The following TMEM168 variants were observed in gnomAD, a reference collection of about 807,000 sequenced individuals.
TMEM168 encodes the protein transmembrane protein 168.
Under a neutral mutation model 53.2 loss-of-function variants are expected in TMEM168, and 40 were observed. The observed-to-expected ratio is 0.75, with a 90% CI of 0.58 to 0.98. The LOEUF is 0.98. TMEM168 is among the 50% of genes least tolerant of loss of function. The pLI is 0.00. For missense variants in TMEM168, 771 were observed against 828.8 expected, an observed-to-expected ratio of 0.93 and a Z score of 0.86; for synonymous variants, 282 against 293.0, an observed-to-expected ratio of 0.96 and a Z score of 0.38.
rs148501528 is a variant in TMEM168 at position 112,774,411 on chromosome 7, T to C, written c.1271+765A>G. Among the ~76,000 whole-genome samples the C allele has an allele frequency of 5.4e-3, 792 of 146,228 alleles. 7 individuals carry two copies. The highest frequency in any genetic ancestry group is 0.019 in the African/African-American group (764 of 39,738). On this transcript the variant is annotated intron_variant, in intron 3 of 4. Transcript: ENST00000312814. ...AGTGCTTCATACCATTCCTGTCAGA[T>C]GAACAGAAGAGTTATCACTATATAC... is the stretch of plus-strand genomic sequence containing the variant.
At chr7:112,772,291 T>C (rs556819632) in intron 4 of TMEM168, among the ~76,000 whole-genome samples, 1 of 152,174 alleles carries the variant, frequency 6.6e-6, no homozygotes, top group African/African-American at 2.4e-5. Context: ...GTTAACTAAC[T>C]TGCCTAAAAT....
chr7:112,783,808 G>T lies in TMEM168; in HGVS notation c.1018C>A (p.Leu340Ile). ...YFTHRTDYNSLDRIMASKGMR... is the reference protein window; with the variant it reads ...YFTHRTDYNSIDRIMASKGMR... Reference sequence around the variant, plus strand: ...CCTTTGGATGCCATGATTCTATCAAGGCTATTGTAATCTGTCCTGTGAGTA... The same window carrying T: ...CCTTTGGATGCCATGATTCTATCAATGCTATTGTAATCTGTCCTGTGAGTA... The change falls in exon 2 of 5, where the codon CTT becomes ATT. Residue 340 changes from leucine (L) to isoleucine (I), a missense_variant. Leu to Ile is a conservative substitution (Grantham distance 5). Transcript: ENST00000312814. 1 of 1,605,624 alleles carries T rather than the reference G, an allele frequency of 6.2e-7. No homozygotes were observed.
intron 4 of TMEM168, among the ~76,000 whole-genome samples, chr7:112,772,282 T>G (rs953359171): frequency 1.2e-4 from 18 of 152,260 alleles, no homozygotes; most frequent in African/African-American, 4.3e-4. Flanking sequence ...CCAACAGAAG[T>G]TAACTAACTT....
At chr7:112,770,124 T>C (rs1227174) in intron 4 of TMEM168, among the ~76,000 whole-genome samples, 62,729 of 152,116 alleles carry the variant, frequency 0.41, 16,357 homozygotes, top group African/African-American at 0.74. Flanking sequence ...TAGATGAAAG[T>C]ATTTTCCTCA....
Position 112,784,507 on chromosome 7 carries a change from A to G in TMEM168, c.319T>C (p.Cys107Arg). ...LWFGFLLGLL[C>R]FLDNSSFKND... is the part of the protein sequence containing the mutation. ...TTAAAGGATGAATTATCAAGAAAAC[A>G]TAGGAGGCCAAGCAAGAATCCAAAC... is the stretch of plus-strand genomic sequence containing the variant. The change falls in exon 2 of 5, where the codon TGT (cysteine) becomes CGT (arginine). Residue 107 changes from cysteine (C) to arginine (R), a missense_variant. Coordinates refer to ENST00000312814, the MANE Select transcript of TMEM168 (RefSeq NM_022484.6). 1 of 1,614,146 alleles carries G rather than the reference A, an allele frequency of 6.2e-7. No homozygotes were observed. Among genetic ancestry groups the G allele is most frequent in the Non-Finnish European group, 8.5e-7 (1 of 1,180,008 alleles).
Position 112,783,863 on chromosome 7 carries a change from G to C in TMEM168, c.963C>G (p.Thr321=). ...ATACTTTATGGCAGTCATTTAATTT[G>C]GTATGGAATCCCCAAAGAGTTAAAA... ...IFLLTLWGFH[T]KLNDCHKVYF... The change falls in exon 2 of 5, where the codon ACC becomes ACG. Residue 321 remains threonine (T), a synonymous_variant. Coordinates refer to ENST00000312814, the MANE Select transcript of TMEM168 (RefSeq NM_022484.6). 6.2e-7 allele frequency: 1 copy of C among 1,603,550 alleles called. No individual in the cohort carries two copies. Among genetic ancestry groups the C allele is most frequent in the Non-Finnish European group, 8.5e-7 (1 of 1,176,904 alleles).
rs1378256529 is a variant in TMEM168, at chr7:112,783,787, T to C, written c.1039A>G (p.Lys347Glu). The C allele has an allele frequency of 1.3e-6, 2 of 1,595,110 alleles. No homozygotes were observed. The highest frequency in any genetic ancestry group is 1.7e-6 in the Non-Finnish European group (2 of 1,171,914). The change falls in exon 2 of 5, where the codon AAA becomes GAA. Residue 347 changes from lysine to glutamate, a missense_variant. Transcript: ENST00000312814. ...YNSLDRIMAS[K>E]GMRHFCLISE... ...ATCAAGCAAAAATGGCGCATCCCTT[T>C]GGATGCCATGATTCTATCAAGGCTA...
Position 112,767,060 on chromosome 7 carries a change from TAAGAA to T in TMEM168, c.*132_*136del. ...ACGCCTTATATATACCATAATTACT[TAAGAA>T]AAGACAAAGTGAGAGCAGCTACAGA... On this transcript the variant is annotated 3_prime_UTR_variant, in exon 5 of 5. Coordinates refer to ENST00000312814, the MANE Select transcript of TMEM168 (RefSeq NM_022484.6). 2.3e-6 allele frequency: 2 copies of T among 885,678 alleles called. No homozygotes were observed. Among genetic ancestry groups the T allele is most frequent in the South Asian group, 1.8e-5 (1 of 54,060 alleles). The allele number at this position is 885,678 out of a possible 1,614,324, so 54.9% of individuals were successfully genotyped here.
In TMEM168 at chr7:112,772,658, AG is replaced by A. The variant is rs1294772555; in HGVS notation, c.1546+122del. ...ATGCTAGAGCAAAGAAAAACAAATTAGAGTCATATGCATAGTTCAGTAAACT... is the reference window on the plus strand; with the variant it reads ...ATGCTAGAGCAAAGAAAAACAAATTAAGTCATATGCATAGTTCAGTAAACT... On this transcript the variant is annotated intron_variant, in intron 4 of 4. Transcript: ENST00000312814. The A allele has an allele frequency of 3.6e-6, 4 of 1,109,284 alleles. No individual in the cohort carries two copies. In the Admixed American group the frequency reaches 1.0e-4, roughly 28 times the overall value. The allele number at this position is 1,109,284 out of a possible 1,614,324, so 68.7% of individuals were successfully genotyped here.
Position 112,764,374 on chromosome 7 carries a change from T to C in TMEM168, c.*2823A>G, listed in dbSNP as rs1027157596. ...TCCTTTCACTCCAAGCAACTCTTTC[T>C]TAAACATGACAGCCATAGACAAATT... is the stretch of plus-strand genomic sequence containing the variant. On this transcript the variant is annotated 3_prime_UTR_variant, in exon 5 of 5. Coordinates refer to ENST00000312814, the MANE Select transcript of TMEM168 (RefSeq NM_022484.6). The C allele has an allele frequency of 2.0e-5, 3 of 152,140 alleles. No individual in the cohort carries two copies. Among genetic ancestry groups the C allele is most frequent in the African/African-American group, 7.2e-5 (3 of 41,458 alleles). 9.4% of individuals were successfully genotyped at this position (152,140 alleles called of 1,614,324 possible).
rs1024088743 is a variant in TMEM168, at chr7:112,764,232, G to A, written c.*2965C>T. The A allele has an allele frequency of 6.6e-6, 1 of 151,660 alleles. No individual in the cohort carries two copies. The highest frequency in any genetic ancestry group is 2.4e-5 in the African/African-American group (1 of 41,336). 9.4% of individuals were successfully genotyped at this position (151,660 alleles called of 1,614,324 possible). A position where few individuals can be genotyped will look rare whatever the true frequency, so the allele number is the denominator to read the frequency against. On this transcript the variant is annotated 3_prime_UTR_variant, in exon 5 of 5. Coordinates refer to ENST00000312814, the MANE Select transcript of TMEM168 (RefSeq NM_022484.6). ...AAAGATGATGTTTTTAGAGCTAGTGGTTTTGTGGTTTTAGCAAGGTATCAC... is the reference window on the plus strand; with the variant it reads ...AAAGATGATGTTTTTAGAGCTAGTGATTTTGTGGTTTTAGCAAGGTATCAC...
chr7:112,775,953 C>G (rs560597771), intron 2 of TMEM168, among the ~76,000 whole-genome samples: 6 of 151,436 alleles, frequency 4.0e-5, no homozygotes, highest in African/African-American at 1.5e-4. Context: ...AGTAGACAGG[C>G]AGAAGAAATA....
At position 112,763,255 on chromosome 7, in the gene TMEM168, T is replaced by C. The variant is rs999443124; in HGVS notation, c.*3942A>G. The C allele has an allele frequency of 2.0e-5, 3 of 152,142 alleles. No individual in the cohort carries two copies. The highest frequency in any genetic ancestry group is 4.4e-5 in the Non-Finnish European group (3 of 67,986). The allele number at this position is 152,142 out of a possible 1,614,324, so 9.4% of individuals were successfully genotyped here. A position where few individuals can be genotyped will look rare whatever the true frequency, so the allele number is the denominator to read the frequency against. ...TACAAATTTGAGATTTGCTTTCTTT[T>C]TATGGATTCTGTAAGTTTTTTACTA... is the stretch of plus-strand genomic sequence containing the variant. On this transcript the variant is annotated 3_prime_UTR_variant, in exon 5 of 5. Transcript: ENST00000312814.
At chr7:112,768,385 T>C (rs1437285498) in intron 4 of TMEM168, among the ~76,000 whole-genome samples, 2 of 152,126 alleles carry the variant, frequency 1.3e-5, no homozygotes, top group Non-Finnish European at 2.9e-5. Context: ...ACAGAAAAAG[T>C]TTGCCTCCCC....
chr7:112,768,617 A>G (rs1248714867), intron 4 of TMEM168, among the ~76,000 whole-genome samples: 1 of 152,102 alleles, frequency 6.6e-6, no homozygotes, highest in Non-Finnish European at 1.5e-5. Context: ...TTTTTGCATT[A>G]ATTTTGATTT....
At chr7:112,777,587 C>T (rs1620709) in intron 2 of TMEM168, among the ~76,000 whole-genome samples, 4,822 of 152,268 alleles carry the variant, frequency 0.032, 245 homozygotes, top group African/African-American at 0.11. Flanking sequence ...ACTGCTCTTT[C>T]ATGCTGCTGC....
chr7:112,771,848 C>G (rs2116236942), intron 4 of TMEM168, among the ~76,000 whole-genome samples: 1 of 150,978 alleles, frequency 6.6e-6, no homozygotes, highest in Non-Finnish European at 1.5e-5. Context: ...AACATCTACA[C>G]TTTTATGGAA....
chr7:112,782,423 C>T (rs937550119), intron 2 of TMEM168, among the ~76,000 whole-genome samples: 12 of 151,970 alleles, frequency 7.9e-5, no homozygotes, highest in African/African-American at 2.9e-4. Context: ...ATGAGGCTGA[C>T]TTGGAAAAGA....
intron 2 of TMEM168, among the ~76,000 whole-genome samples, chr7:112,777,373 C>T (rs1278394348): frequency 2.6e-5 from 4 of 152,180 alleles, no homozygotes; most frequent in Non-Finnish European, 4.4e-5. Context: ...AACCACTCCA[C>T]ATTACAGTGC....
Sources: gnomAD v4.1 joint callset for allele counts (sites outside exome capture counted in the v4.1 genomes callset) on GRCh38, gnomAD v4.1.1 for gene constraint, MANE v1.5 for transcripts, NCBI Gene and HGNC (gene_info 2026-07-23, HGNC 2026-07-21) for gene names.